ZNF831: variants seen among roughly 807,000 people sequenced by gnomAD.
ZNF831 encodes the protein chromosome 20 open reading frame 174.
In ZNF831, 59 loss-of-function variants were observed where a neutral mutation model predicts 95.8. That is an observed-to-expected ratio of 0.62 (90% CI 0.50 to 0.77). The LOEUF is 0.77. ZNF831 is among the 30% of genes least tolerant of loss of function. The probability of loss-of-function intolerance (pLI) is 0.00; values close to 1 mark genes in which losing one functional copy is unlikely to be tolerated. For missense variants in ZNF831, 2,205 were observed against 2,164.0 expected, an observed-to-expected ratio of 1.02 and a Z score of -0.38; for synonymous variants, 961 against 925.5, an observed-to-expected ratio of 1.04 and a Z score of -0.70.
rs2146586277 is a variant in ZNF831 at position 59,193,609 on chromosome 20, G to A, written c.2590G>A (p.Glu864Lys). Reference protein sequence around the residue: ...SSQKQDADPGEVPGGSKESAR... With the variant: ...SSQKQDADPGKVPGGSKESAR... ...CCAGAAGCAGGATGCCGATCCCGGG[G>A]AGGTGCCAGGGGGCTCAAAGGAGAG... is the stretch of plus-strand genomic sequence containing the variant. The change falls in exon 2 of 6, where the codon GAG (glutamate) becomes AAG (lysine). Residue 864 changes from glutamate to lysine, a missense_variant. Glu to Lys is a moderately conservative substitution (Grantham distance 56). Coordinates refer to ENST00000371030, the MANE Select transcript of ZNF831 (RefSeq NM_178457.3). The A allele has an allele frequency of 6.2e-7, 1 of 1,612,520 alleles. No individual in the cohort carries two copies. The highest frequency in any genetic ancestry group is 8.5e-7 in the Non-Finnish European group (1 of 1,179,546).
intron 4 of ZNF831, among the ~76,000 whole-genome samples, chr20:59,218,107 G>A (rs570347292): frequency 6.6e-6 from 1 of 152,366 alleles, no homozygotes; most frequent in African/African-American, 2.4e-5. Flanking sequence ...ATAGTAATAT[G>A]TGAGGCTTTA....
intron 1 of ZNF831, among the ~76,000 whole-genome samples, chr20:59,170,694 C>T (rs2146493725): frequency 6.6e-6 from 1 of 152,142 alleles, no homozygotes; most frequent in South Asian, 2.1e-4. Flanking sequence ...CATGTGGCAC[C>T]CTAGGATTGA....
upstream of ZNF831, chr20:59,159,789 G>A (rs189286642): frequency 1.6e-3 from 250 of 152,534 alleles, no homozygotes; most frequent in Middle Eastern, 3.3e-3. Context: ...CTGAGCCCCA[G>A]AGAGGAGCCC....
At chr20:59,253,444 C>A (rs185233045) in intron 5 of ZNF831, among the ~76,000 whole-genome samples, 6 of 152,266 alleles carry the variant, frequency 3.9e-5, no homozygotes, top group East Asian at 1.9e-4. Flanking sequence ...GAAGCCCCCC[C>A]AGACAGACTG....
chr20:59,202,580 G>C (rs1178564114), intron 3 of ZNF831, among the ~76,000 whole-genome samples: 1 of 152,036 alleles, frequency 6.6e-6, no homozygotes, highest in African/African-American at 2.4e-5. Flanking sequence ...TTTGTTTGTT[G>C]TTATGTTCCC....
At position 59,258,106 on chromosome 20, in the gene ZNF831, A is replaced by C. The variant is rs1988264379; in HGVS notation, c.*3363A>C. The C allele has an allele frequency of 1.6e-5, 2 of 123,884 alleles. No individual in the cohort carries two copies. The highest frequency in any genetic ancestry group is 7.8e-5 in the Admixed American group (1 of 12,746). 7.7% of individuals were successfully genotyped at this position (123,884 alleles called of 1,614,324 possible). A position where few individuals can be genotyped will look rare whatever the true frequency, so the allele number is the denominator to read the frequency against. On this transcript the variant is annotated 3_prime_UTR_variant, in exon 6 of 6. Transcript: ENST00000371030. ...GGCTTAACCCTTGAGATTTGAGACA[A>C]AGCTAATAATCCCCTTTGGTTCACA...
intron 4 of ZNF831, among the ~76,000 whole-genome samples, chr20:59,235,255 G>A (rs1233297195): frequency 6.6e-6 from 1 of 152,114 alleles, no homozygotes; most frequent in Non-Finnish European, 1.5e-5. Flanking sequence ...ATGTTTCCCT[G>A]TTGTGATGCT....
chr20:59,194,371 C>G lies in ZNF831; in HGVS notation c.3352C>G (p.Pro1118Ala), dbSNP rs777769572. The change falls in exon 2 of 6, where the codon CCC (proline) becomes GCC (alanine). Residue 1118 changes from proline (P) to alanine (A), a missense_variant. Coordinates refer to ENST00000371030, the MANE Select transcript of ZNF831 (RefSeq NM_178457.3). ...GNAPEDPSSG[P>A]LVGPDPCSPL... is the part of the protein sequence containing the mutation. ...TGCCCCAGAAGATCCTTCTTCAGGG[C>G]CCCTGGTGGGCCCCGACCCGTGTTC... 2 of 1,611,510 alleles carry G rather than the reference C, an allele frequency of 1.2e-6. No homozygotes were observed. The highest frequency in any genetic ancestry group is 3.3e-5 in the Admixed American group (2 of 59,802).
intron 4 of ZNF831, among the ~76,000 whole-genome samples, chr20:59,231,066 TGAAA>T (rs1342977249): frequency 1.3e-5 from 2 of 152,090 alleles, no homozygotes; most frequent in Admixed American, 6.5e-5. Context: ...GCATTCCAGC[TGAAA>T]GAAAGAAGAA....
intron 2 of ZNF831, among the ~76,000 whole-genome samples, chr20:59,152,744 A>T (rs1271549843): frequency 2.0e-5 from 3 of 152,096 alleles, no homozygotes; most frequent in Admixed American, 2.0e-4. Context: ...CCTTGAGTAC[A>T]GCTCCCTTGG....
chr20:59,222,494 T>C (rs376001264), intron 4 of ZNF831, among the ~76,000 whole-genome samples: 188 of 147,026 alleles, frequency 1.3e-3, no homozygotes, highest in African/African-American at 3.6e-3. Context: ...CTCTCTCTCT[T>C]TTTTTTTTTT....
intron 4 of ZNF831, among the ~76,000 whole-genome samples, chr20:59,212,192 A>T (rs983354954): frequency 9.9e-5 from 15 of 152,128 alleles, no homozygotes; most frequent in Non-Finnish European, 5.9e-5. Context: ...AGAGTTTTTT[A>T]AAAAAATATT....
chr20:59,150,408 G>A (rs778971972), intron 2 of ZNF831, among the ~76,000 whole-genome samples: 2 of 152,144 alleles, frequency 1.3e-5, no homozygotes, highest in Non-Finnish European at 2.9e-5. Flanking sequence ...AGTTAAAATG[G>A]GAATTTCAGG....
Position 59,254,263 on chromosome 20 carries a change from G to T in ZNF831, c.4554G>T (p.Gln1518His). 2 of 1,614,052 alleles carry T rather than the reference G, an allele frequency of 1.2e-6. No homozygotes were observed. Among genetic ancestry groups the T allele is most frequent in the Admixed American group, 1.7e-5 (1 of 60,008 alleles). Residue 1518 changes from glutamine to histidine, a missense_variant, in exon 6 of 6, where the codon CAG (glutamine) becomes CAT (histidine). By Grantham distance (24) the Gln-to-His change is conservative. Coordinates refer to ENST00000371030, the MANE Select transcript of ZNF831 (RefSeq NM_178457.3). The surrounding 1 kb of genome is among the most constrained non-coding windows in gnomAD (Gnocchi z 4.5). The part of the protein sequence containing the change: ...IHSAESRDHS[Q>H]TAGRTLTSSS... ...GTGCTGAATCACGAGACCACAGCCA[G>T]ACTGCAGGGAGGACTCTGACATCAA...
intron 1 of ZNF831, among the ~76,000 whole-genome samples, chr20:59,183,604 C>T (rs763139141): frequency 3.9e-5 from 6 of 152,138 alleles, no homozygotes; most frequent in African/African-American, 7.2e-5. Context: ...TCTTTTGGCC[C>T]CCTCGTTCCT....
intron 4 of ZNF831, among the ~76,000 whole-genome samples, chr20:59,249,835 C>G (rs775835480): frequency 3.3e-5 from 5 of 152,192 alleles, no homozygotes; most frequent in Admixed American, 6.5e-5. Flanking sequence ...CTCAGCTTTT[C>G]TCTAACAACC....
intron 4 of ZNF831, among the ~76,000 whole-genome samples, chr20:59,227,131 G>A (rs923244030): frequency 4.6e-5 from 7 of 152,096 alleles, no homozygotes; most frequent in South Asian, 2.1e-4. Flanking sequence ...TTCCCCTTCC[G>A]TCACCTTTTT....
At chr20:59,224,121 C>T (rs1986282049) in intron 4 of ZNF831, among the ~76,000 whole-genome samples, 1 of 152,232 alleles carries the variant, frequency 6.6e-6, no homozygotes, top group South Asian at 2.1e-4. Flanking sequence ...TACCCTCGCA[C>T]CAGGAGGCCT....
At chr20:59,253,753 G>C in intron 5 of ZNF831, 145 bp from the exon 6 acceptor site, 1 of 852,056 alleles carries the variant, frequency 1.2e-6, no homozygotes, top group Non-Finnish European at 1.8e-6. Flanking sequence ...ACTTATTGAG[G>C]GCGTCATATT....
Sources: allele counts gnomAD v4.1 joint callset (sites outside exome capture counted in the v4.1 genomes callset), GRCh38; gene constraint gnomAD v4.1.1; non-coding constraint Gnocchi (gnomAD v3.1); transcripts MANE v1.5; gene names NCBI Gene and HGNC (gene_info 2026-07-23, HGNC 2026-07-21).